LSAMP: variants seen among roughly 807,000 people sequenced by gnomAD.
The protein encoded by LSAMP is limbic system associated membrane protein.
In LSAMP, 7 loss-of-function variants were observed where a neutral mutation model predicts 38.6. That is an observed-to-expected ratio of 0.18 (90% confidence interval 0.10 to 0.34). The LOEUF (loss-of-function observed/expected upper bound fraction) is 0.34. Among genes scored for constraint, LSAMP ranks in the 10% least tolerant of loss-of-function variants. The pLI is 1.00. For missense variants in LSAMP, 313 were observed against 420.0 expected, an observed-to-expected ratio of 0.75 and a Z score of 2.23; for synonymous variants, 154 against 166.8, an observed-to-expected ratio of 0.92 and a Z score of 0.59.
At chr3:115,852,355 G>A in intron 4 of LSAMP, 128 bp downstream of exon 4, 1 of 1,100,532 alleles carries the variant, frequency 9.1e-7, no homozygotes, top group Non-Finnish European at 1.3e-6. Flanking sequence ...ATGTATAAAT[G>A]TGCATTCCTG....
At chr3:116,288,617 G>T (rs1022986138) in intron 1 of LSAMP, among the ~76,000 whole-genome samples, 1 of 152,160 alleles carries the variant, frequency 6.6e-6, no homozygotes, top group African/African-American at 2.4e-5. Flanking sequence ...TTCCTGTGAT[G>T]ACGTCCCGAA....
intron 1 of LSAMP, among the ~76,000 whole-genome samples, chr3:116,181,419 T>C (rs955816958): frequency 3.9e-5 from 6 of 151,996 alleles, no homozygotes; most frequent in East Asian, 1.9e-4. Context: ...AAGTACAAGA[T>C]TGATGATGAA....
At chr3:115,856,245 C>A (rs58104560) in intron 3 of LSAMP, among the ~76,000 whole-genome samples, 90 of 152,206 alleles carry the variant, frequency 5.9e-4, no homozygotes, top group Middle Eastern at 6.8e-3. Context: ...AAAGTGATGA[C>A]GGTATTTGGA....
intron 1 of LSAMP, among the ~76,000 whole-genome samples, chr3:116,109,727 T>C (rs1349460645): frequency 6.6e-6 from 1 of 151,902 alleles, no homozygotes; most frequent in Non-Finnish European, 1.5e-5. Context: ...TTTAAGTTCT[T>C]GAGAACACAG....
At chr3:116,352,480 AC>A (rs1417385726) in intron 1 of LSAMP, among the ~76,000 whole-genome samples, 1 of 152,056 alleles carries the variant, frequency 6.6e-6, no homozygotes, top group Non-Finnish European at 1.5e-5. Flanking sequence ...AGGCAAGCCA[AC>A]CTCATTTACT....
Position 116,093,509 on chromosome 3 carries a change from C to G in LSAMP, c.156-6953G>C, listed in dbSNP as rs78870693. Among the ~76,000 whole-genome samples the G allele has an allele frequency of 2.5e-3, 387 of 152,268 alleles. 1 individual carries two copies. Among genetic ancestry groups the G allele is most frequent in the African/African-American group, 9.0e-3 (372 of 41,556 alleles). ...AGCAGCAAAGTTCATGACAAAGGCACAGCAATGAGGCCTAGTGAGGCTCTG... is the reference window on the plus strand; with the variant it reads ...AGCAGCAAAGTTCATGACAAAGGCAGAGCAATGAGGCCTAGTGAGGCTCTG... On this transcript the variant is annotated intron_variant, in intron 1 of 6. Transcript: ENST00000490035.
chr3:116,333,646 A>G (rs2047882341), intron 1 of LSAMP, among the ~76,000 whole-genome samples: 1 of 152,120 alleles, frequency 6.6e-6, no homozygotes, highest in African/African-American at 2.4e-5. Flanking sequence ...TGTGGAAATT[A>G]AATAACACAC....
intron 3 of LSAMP, among the ~76,000 whole-genome samples, chr3:115,961,983 A>T (rs1938642158): frequency 6.6e-6 from 1 of 152,190 alleles, no homozygotes; most frequent in Non-Finnish European, 1.5e-5. Flanking sequence ...CCTGTTGTCT[A>T]AAATAACACC....
intron 6 of LSAMP, among the ~76,000 whole-genome samples, chr3:115,833,768 A>G (rs1376955995): frequency 8.9e-6 from 1 of 112,424 alleles, no homozygotes; most frequent in Non-Finnish European, 1.8e-5. Context: ...TTTTTTTCTC[A>G]GGTCTTTGAG....
At chr3:116,181,509 C>T (rs1386607543) in intron 1 of LSAMP, among the ~76,000 whole-genome samples, 1 of 152,006 alleles carries the variant, frequency 6.6e-6, no homozygotes, top group African/African-American at 2.4e-5. Flanking sequence ...TGACTTAGGA[C>T]ATCCAAAATG....
intron 6 of LSAMP, among the ~76,000 whole-genome samples, chr3:115,828,751 T>A (rs2107479106): frequency 6.6e-6 from 1 of 152,354 alleles, no homozygotes; most frequent in East Asian, 1.9e-4. Context: ...TTGAAAATTT[T>A]TTTTTCTATA....
At chr3:115,822,327 T>C (rs1166780428) in intron 6 of LSAMP, among the ~76,000 whole-genome samples, 2 of 151,408 alleles carry the variant, frequency 1.3e-5, no homozygotes, top group Admixed American at 6.6e-5. Flanking sequence ...TATTTTTTTC[T>C]TTTCTTTCTT....
intron 1 of LSAMP, among the ~76,000 whole-genome samples, chr3:116,335,955 A>G (rs1279565044): frequency 6.6e-6 from 1 of 152,070 alleles, no homozygotes; most frequent in African/African-American, 2.4e-5. Flanking sequence ...GTTAAGCTGT[A>G]AACAGTGTAT....
chr3:116,387,944 G>GA (rs199967114), intron 1 of LSAMP, among the ~76,000 whole-genome samples: 116 of 148,486 alleles, frequency 7.8e-4, no homozygotes, highest in Non-Finnish European at 1.4e-3. Context: ...ATACAAAAAA[G>GA]AAAAAAAAAA....
At chr3:116,176,733 A>G (rs1710353775) in intron 1 of LSAMP, among the ~76,000 whole-genome samples, 1 of 152,170 alleles carries the variant, frequency 6.6e-6, no homozygotes, top group South Asian at 2.1e-4. Context: ...GAAAAAATAA[A>G]TCCTGGGTCA....
intron 6 of LSAMP, among the ~76,000 whole-genome samples, chr3:115,817,808 G>C (rs903132171): frequency 6.6e-6 from 1 of 152,156 alleles, no homozygotes; most frequent in African/African-American, 2.4e-5. Flanking sequence ...AGTGAATCCA[G>C]GTTCTATTAA....
At chr3:116,035,503 G>A (rs140029670) in intron 2 of LSAMP, among the ~76,000 whole-genome samples, 20 of 152,232 alleles carry the variant, frequency 1.3e-4, no homozygotes, top group Middle Eastern at 6.8e-3. Flanking sequence ...TTACATAGAC[G>A]TGTGAATTTT....
chr3:116,132,659 T>C lies in LSAMP; in HGVS notation c.156-46103A>G, dbSNP rs530007728. On this transcript the variant is annotated intron_variant, in intron 1 of 6. Transcript: ENST00000490035. ...TTCTTAACAAATGTCTCCTTTTTCT[T>C]ATTCTCTCCTTTTTCCCTTTAGTTC... 2.6e-5 allele frequency among the ~76,000 whole-genome samples: 4 copies of C among 152,348 alleles called. No individual in the cohort carries two copies. The South Asian group carries it at 8.3e-4, about 32-fold the overall frequency.
chr3:116,358,294 A>C (rs1204336323), intron 1 of LSAMP, among the ~76,000 whole-genome samples: 4 of 152,160 alleles, frequency 2.6e-5, no homozygotes, highest in Non-Finnish European at 5.9e-5. Context: ...TTTATTCTTC[A>C]TTTTTTCCTC....
Sources: gnomAD v4.1 joint callset for allele counts (sites outside exome capture counted in the v4.1 genomes callset) on GRCh38, gnomAD v4.1.1 for gene constraint, MANE v1.5 for transcripts, NCBI Gene and HGNC (gene_info 2026-07-23, HGNC 2026-07-21) for gene names.